Variants in CYP2C19 observed in about 807,000 individuals in gnomAD.
CYP2C19 encodes the protein cytochrome P450 2C19.
In CYP2C19, 59 loss-of-function variants were observed where a neutral mutation model predicts 40.9. The ratio of observed to expected loss-of-function variants is 1.44; its 90% confidence interval spans 1.17 to 1.79. The LOEUF (loss-of-function observed/expected upper bound fraction) is 1.79. CYP2C19 is among the 40% of genes most tolerant of loss of function. CYP2C19 has a pLI of 0.00. For missense variants in CYP2C19, 754 were observed against 596.9 expected, an observed-to-expected ratio of 1.26 and a Z score of -2.74; for synonymous variants, 253 against 208.7, an observed-to-expected ratio of 1.21 and a Z score of -1.83.
chr10:94,852,246 G>GT (rs1785456875), intron 8 of CYP2C19, among the ~76,000 whole-genome samples: 1 of 151,850 alleles, frequency 6.6e-6, no homozygotes, highest in African/African-American at 2.4e-5. Context: ...AAAGTGAGGG[G>GT]GTAACATGTT....
chr10:94,818,410 TC>T (rs1849049421), intron 5 of CYP2C19, among the ~76,000 whole-genome samples: 1 of 152,092 alleles, frequency 6.6e-6, no homozygotes, highest in Non-Finnish European at 1.5e-5. Context: ...AAAGTAGTTT[TC>T]TCCAATTCTG....
chr10:94,793,148 G>A (rs1200392438), intron 5 of CYP2C19, among the ~76,000 whole-genome samples: 1 of 151,912 alleles, frequency 6.6e-6, no homozygotes, highest in African/African-American at 2.4e-5. Context: ...GATTGAATCG[G>A]CTACTGAAGC....
chr10:94,796,330 G>T (rs976688236), intron 5 of CYP2C19, among the ~76,000 whole-genome samples: 5 of 152,224 alleles, frequency 3.3e-5, no homozygotes, highest in East Asian at 3.9e-4. Flanking sequence ...TTATTTCTGA[G>T]GGCTCTGTTC....
At chr10:94,774,073 G>A (rs967397628) in intron 1 of CYP2C19, 1 of 152,100 alleles carries the variant, frequency 6.6e-6, no homozygotes, top group Non-Finnish European at 1.5e-5. Flanking sequence ...AGCACTAATT[G>A]GTGTGTTTAC....
In CYP2C19 at chr10:94,838,330, C is replaced by T. The variant is rs146641589; in HGVS notation, c.962-4507C>T. 8.9e-3 allele frequency among the ~76,000 whole-genome samples: 1,361 copies of T among 152,288 alleles called. 22 individuals are homozygous for T. Among genetic ancestry groups the T allele is most frequent in the African/African-American group, 0.03 (1,236 of 41,552 alleles). On this transcript the variant is annotated intron_variant, in intron 6 of 8. Transcript: ENST00000371321. ...GACTGAGATACCAGAGATTGCCAAA[C>T]TCTTGGGCTGCAGATATGGTGGCAA...
chr10:94,789,300 T>A (rs1404187519), intron 5 of CYP2C19, among the ~76,000 whole-genome samples: 2 of 152,108 alleles, frequency 1.3e-5, no homozygotes, highest in East Asian at 3.8e-4. Context: ...AGGTGGCCTG[T>A]TCACTCTGAC....
chr10:94,847,392 AC>A (rs1168608920), intron 7 of CYP2C19, among the ~76,000 whole-genome samples: 3 of 152,138 alleles, frequency 2.0e-5, no homozygotes, highest in African/African-American at 7.2e-5. Context: ...CCATGTCCCT[AC>A]AAAGGACATG....
intron 5 of CYP2C19, among the ~76,000 whole-genome samples, chr10:94,786,321 T>G (rs1002615561): frequency 6.6e-6 from 1 of 152,124 alleles, no homozygotes; most frequent in African/African-American, 2.4e-5. Context: ...TAGATCACTT[T>G]GAGGAGTATT....
At chr10:94,772,842 C>T (rs983439810) in intron 1 of CYP2C19, among the ~76,000 whole-genome samples, 23 of 152,170 alleles carry the variant, frequency 1.5e-4, no homozygotes, top group South Asian at 4.1e-4. Flanking sequence ...ACTGCAGTGG[C>T]GCAACCTTGG....
chr10:94,838,398 C>A (rs149129042), intron 6 of CYP2C19, among the ~76,000 whole-genome samples: 1 of 152,292 alleles, frequency 6.6e-6, no homozygotes, highest in Admixed American at 6.5e-5. Flanking sequence ...AGTAACATTG[C>A]ATCTCTCCAT....
intron 5 of CYP2C19, among the ~76,000 whole-genome samples, chr10:94,794,632 T>C (rs902616902): frequency 3.3e-5 from 5 of 152,122 alleles, no homozygotes; most frequent in African/African-American, 9.7e-5. Flanking sequence ...TCTTGTATGT[T>C]GGATTCCTAG....
Position 94,853,370 on chromosome 10 carries a change from C to G in CYP2C19, c.*456C>G, listed in dbSNP as rs1427262280. On this transcript the variant is annotated 3_prime_UTR_variant, in exon 9 of 9. Coordinates refer to ENST00000371321, the MANE Select transcript of CYP2C19 (RefSeq NM_000769.4). ...CTCAAAACGATAAGGACAGAAAGGA[C>G]AAAGGTGAAGATGGTAGGGAAGCTA... 2.0e-5 allele frequency among the ~76,000 whole-genome samples: 3 copies of G among 152,002 alleles called. No individual in the cohort carries two copies. Among genetic ancestry groups the G allele is most frequent in the African/African-American group, 7.2e-5 (3 of 41,380 alleles).
In CYP2C19 at chr10:94,762,836, A is replaced by T. The variant is rs1848190969; in HGVS notation, c.131A>T (p.Gln44Leu). Residue 44 changes from glutamine to leucine, a missense_variant, in exon 1 of 9, where the codon CAG becomes CTG. Coordinates refer to ENST00000371321, the MANE Select transcript of CYP2C19 (RefSeq NM_000769.4). ...CTCCCAGTGATTGGAAATATCCTAC[A>T]GATAGATATTAAGGATGTCAGCAAA... ...TPLPVIGNIL[Q>L]IDIKDVSKSL... 1 of 1,613,890 alleles carries T rather than the reference A, an allele frequency of 6.2e-7. No individual in the cohort carries two copies. Among genetic ancestry groups the T allele is most frequent in the Non-Finnish European group, 8.5e-7 (1 of 1,179,844 alleles).
In CYP2C19 at chr10:94,780,594, C is replaced by G; in HGVS notation, c.577C>G (p.Gln193Glu). 1 of 1,613,832 alleles carries G rather than the reference C, an allele frequency of 6.2e-7. No homozygotes were observed. Among genetic ancestry groups the G allele is most frequent in the Non-Finnish European group, 8.5e-7 (1 of 1,179,922 alleles). The change falls in exon 4 of 9, where the codon CAA becomes GAA. Residue 193 changes from glutamine to glutamate, a missense_variant. Gln to Glu is a conservative substitution (Grantham distance 29). Transcript: ENST00000371321. ...FQKRFDYKDQ[Q>E]FLNLMEKLNE... Reference sequence around the variant, plus strand: ...GAAACGTTTCGATTATAAAGATCAGCAATTTCTTAACTTGATGGAAAAATT... The same window carrying G: ...GAAACGTTTCGATTATAAAGATCAGGAATTTCTTAACTTGATGGAAAAATT...
intron 6 of CYP2C19, among the ~76,000 whole-genome samples, chr10:94,826,142 C>T (rs974189324): frequency 1.3e-5 from 2 of 152,106 alleles, no homozygotes; most frequent in Non-Finnish European, 2.9e-5. Context: ...GTGATGCGGG[C>T]TCTTTTTTGG....
chr10:94,849,810 G>A (rs1158060675), intron 7 of CYP2C19, 107 bp from the exon 8 acceptor site: 3 of 1,338,172 alleles, frequency 2.2e-6, no homozygotes, highest in Non-Finnish European at 3.2e-6. Flanking sequence ...CTTTGGAATG[G>A]TGTTTCATCA....
At chr10:94,794,200 C>T (rs1267139694) in intron 5 of CYP2C19, among the ~76,000 whole-genome samples, 4 of 152,156 alleles carry the variant, frequency 2.6e-5, no homozygotes, top group Admixed American at 6.5e-5. Flanking sequence ...TTTGCTAAGG[C>T]CATTGGAAAA....
intron 1 of CYP2C19, 29 bp downstream of exon 1, chr10:94,762,902 A>T (rs766647991): frequency 1.9e-6 from 3 of 1,595,266 alleles, no homozygotes; most frequent in Non-Finnish European, 2.6e-6. Context: ...TGGCTTGCAA[A>T]AGGTAAGTAA....
chr10:94,838,756 C>A (rs968854195), intron 6 of CYP2C19, among the ~76,000 whole-genome samples: 1 of 151,918 alleles, frequency 6.6e-6, no homozygotes, highest in Non-Finnish European at 1.5e-5. Context: ...TACATAATTG[C>A]GAGTTGTCTC....
Sources: allele counts gnomAD v4.1 joint callset (sites outside exome capture counted in the v4.1 genomes callset), GRCh38; gene constraint gnomAD v4.1.1; transcripts MANE v1.5; gene names NCBI Gene and HGNC (gene_info 2026-07-23, HGNC 2026-07-21).